COG5: variants seen among roughly 807,000 people sequenced by gnomAD.
COG5 encodes the protein component of oligomeric golgi complex 5, also known as conserved oligomeric Golgi complex subunit 5.
In COG5, 86 loss-of-function variants were observed where a neutral mutation model predicts 110.4. The observed-to-expected ratio is 0.78, with a 90% CI of 0.65 to 0.93. The LOEUF (loss-of-function observed/expected upper bound fraction) is 0.93, where lower values mean the gene tolerates loss of function less well. COG5 is among the 40% of genes least tolerant of loss of function. The probability of loss-of-function intolerance (pLI) is 0.00; values close to 1 mark genes in which losing one functional copy is unlikely to be tolerated. For synonymous variants in COG5, 360 were observed against 334.6 expected (o/e 1.08, Z -0.83); for missense variants, 1,077 against 987.0 (o/e 1.09, Z -1.22).
intron 7 of COG5, among the ~76,000 whole-genome samples, chr7:107,410,746 G>A (rs1200104223): frequency 6.6e-6 from 1 of 152,132 alleles, no homozygotes; most frequent in Non-Finnish European, 1.5e-5. Flanking sequence ...CCGGCCAACA[G>A]ATTGATGTTT....
At chr7:107,444,811 T>A (rs1396862066) in intron 6 of COG5, among the ~76,000 whole-genome samples, 1 of 152,126 alleles carries the variant, frequency 6.6e-6, no homozygotes, top group Non-Finnish European at 1.5e-5. Context: ...AAATACAATT[T>A]AAAAAAGCAT....
chr7:107,432,780 A>C (rs1184071726), intron 6 of COG5, among the ~76,000 whole-genome samples: 1 of 152,132 alleles, frequency 6.6e-6, no homozygotes, highest in Non-Finnish European at 1.5e-5. Flanking sequence ...AAAATTCTAC[A>C]AAAAATTTTC....
rs564910689 is a variant in COG5 at position 107,364,124 on chromosome 7, C to A, written c.836-1704G>T. ...TTAGCATCAGCAATAATGAAACAAA[C>A]TGAAATAATTTTGTTTTCCTGATAT... On this transcript the variant is annotated intron_variant, in intron 8 of 21. Transcript: ENST00000297135. 2.6e-5 allele frequency among the ~76,000 whole-genome samples: 4 copies of A among 152,230 alleles called. No homozygotes were observed. In the East Asian group the frequency reaches 7.7e-4, roughly 29 times the overall value.
At chr7:107,507,388 G>T (rs1799099981) in intron 6 of COG5, among the ~76,000 whole-genome samples, 1 of 150,532 alleles carries the variant, frequency 6.6e-6, no homozygotes, top group South Asian at 2.1e-4. Flanking sequence ...CTGCCTCCCG[G>T]GTTCACACCA....
intron 7 of COG5, among the ~76,000 whole-genome samples, chr7:107,400,587 T>C (rs1791351849): frequency 6.6e-6 from 1 of 152,108 alleles, no homozygotes; most frequent in South Asian, 2.1e-4. Context: ...CTATATGAAA[T>C]ACAATAAATT....
At chr7:107,354,671 C>T (rs968968040) in intron 10 of COG5, among the ~76,000 whole-genome samples, 3 of 152,144 alleles carry the variant, frequency 2.0e-5, no homozygotes, top group South Asian at 2.1e-4. Context: ...AGTGAGACTC[C>T]GTCTCAACAA....
chr7:107,264,783 A>T (rs1803667382), intron 14 of COG5, among the ~76,000 whole-genome samples: 1 of 152,150 alleles, frequency 6.6e-6, no homozygotes, highest in South Asian at 2.1e-4. Flanking sequence ...TATATTTATA[A>T]AACTGAGAAA....
intron 2 of COG5, 48 bp downstream of exon 2, chr7:107,557,928 A>G (rs374475964): frequency 8.1e-6 from 13 of 1,601,526 alleles, no homozygotes; most frequent in Non-Finnish European, 9.4e-6. Flanking sequence ...ATGCTAAATT[A>G]TCACTTTAGG....
intron 16 of COG5, among the ~76,000 whole-genome samples, chr7:107,256,125 A>G (rs911069095): frequency 6.6e-6 from 1 of 152,158 alleles, no homozygotes; most frequent in African/African-American, 2.4e-5. Flanking sequence ...TTGTTTATGC[A>G]ATTTCCTAAA....
At chr7:107,488,555 G>T (rs2129126357) in intron 6 of COG5, among the ~76,000 whole-genome samples, 1 of 152,232 alleles carries the variant, frequency 6.6e-6, no homozygotes, top group African/African-American at 2.4e-5. Flanking sequence ...TAAGCCAAAA[G>T]AATAATAGGC....
chr7:107,514,841 T>C (rs1348809811), intron 6 of COG5, among the ~76,000 whole-genome samples: 1 of 152,218 alleles, frequency 6.6e-6, no homozygotes, highest in Non-Finnish European at 1.5e-5. Flanking sequence ...GTTTTTTTTA[T>C]TGTTACTTCA....
At chr7:107,434,319 G>T (rs1218399804) in intron 6 of COG5, among the ~76,000 whole-genome samples, 1 of 152,082 alleles carries the variant, frequency 6.6e-6, no homozygotes, top group Non-Finnish European at 1.5e-5. Context: ...CCATTTTGGG[G>T]CATACACCCA....
intron 7 of COG5, among the ~76,000 whole-genome samples, chr7:107,384,520 C>T (rs1051506203): frequency 5.1e-4 from 78 of 152,274 alleles, no homozygotes; most frequent in African/African-American, 1.7e-3. Context: ...TGTTTTCCCC[C>T]TTTTCCCCCA....
intron 6 of COG5, among the ~76,000 whole-genome samples, chr7:107,419,106 T>A (rs1793089537): frequency 6.6e-6 from 1 of 152,122 alleles, no homozygotes; most frequent in South Asian, 2.1e-4. Flanking sequence ...TTAAAGACAA[T>A]TTTTCACATA....
chr7:107,505,107 C>T (rs569795586), intron 6 of COG5, among the ~76,000 whole-genome samples: 16 of 152,292 alleles, frequency 1.1e-4, no homozygotes, highest in South Asian at 4.1e-4. Flanking sequence ...GGTCTCTTGA[C>T]GCTTAATCTC....
At chr7:107,536,007 C>T (rs1584943293) in intron 5 of COG5, among the ~76,000 whole-genome samples, 1 of 152,118 alleles carries the variant, frequency 6.6e-6, no homozygotes, top group South Asian at 2.1e-4. Flanking sequence ...TCAACATATG[C>T]AAATCAATAA....
chr7:107,416,225 C>T (rs116076756), intron 6 of COG5, among the ~76,000 whole-genome samples: 1,584 of 151,620 alleles, frequency 0.01, 18 homozygotes, highest in African/African-American at 0.036. Flanking sequence ...CTGTTAAAAA[C>T]AAAGCTGAAA....
intron 17 of COG5, among the ~76,000 whole-genome samples, chr7:107,238,398 A>G (rs752205749): frequency 7.9e-5 from 12 of 152,118 alleles, no homozygotes; most frequent in African/African-American, 1.4e-4. Context: ...ATCAATCTAA[A>G]TGTTGGTGGA....
At chr7:107,489,729 T>C (rs1797869452) in intron 6 of COG5, among the ~76,000 whole-genome samples, 1 of 152,162 alleles carries the variant, frequency 6.6e-6, no homozygotes, top group Non-Finnish European at 1.5e-5. Flanking sequence ...CTCCCAGTCA[T>C]ATCAAAAACT....
Sources: allele counts gnomAD v4.1 joint callset (sites outside exome capture counted in the v4.1 genomes callset), GRCh38; gene constraint gnomAD v4.1.1; transcripts MANE v1.5; gene names NCBI Gene and HGNC (gene_info 2026-07-23, HGNC 2026-07-21).